The following CNOT4 variants were observed in gnomAD, a reference collection of about 807,000 sequenced individuals.
The protein encoded by CNOT4 is CCR4-associated factor 4.
In CNOT4, 8 loss-of-function variants were observed where a neutral mutation model predicts 73.8. That is an observed-to-expected ratio of 0.11 (90% CI 0.06 to 0.20). The LOEUF is 0.20. Among genes scored for constraint, CNOT4 ranks in the 10% least tolerant of loss-of-function variants. The pLI, the probability that CNOT4 is intolerant of heterozygous loss-of-function variation, is 1.00. For synonymous variants in CNOT4, 293 were observed against 321.1 expected, an observed-to-expected ratio of 0.91 and a Z score of 0.94; for missense variants, 564 against 883.4, an observed-to-expected ratio of 0.64 and a Z score of 4.58.
At position 135,445,754 on chromosome 7, in the gene CNOT4, T is replaced by C. The variant is rs76467594; in HGVS notation, c.-92-7331A>G. Among the ~76,000 whole-genome samples, 4 of 152,318 alleles carry C rather than the reference T, an allele frequency of 2.6e-5. No homozygotes were observed. The East Asian group carries it at 5.8e-4, about 22-fold the overall frequency. On this transcript the variant is annotated intron_variant, in intron 1 of 11. Coordinates refer to ENST00000541284, the MANE Select transcript of CNOT4 (RefSeq NM_001190850.2). ...GTTGTATAATAATAAAAAAAGACTA[T>C]ATTCAGTCACAAAAGGAATCAAATT...
intron 10 of CNOT4, among the ~76,000 whole-genome samples, chr7:135,372,458 G>A (rs1002506230): frequency 2.0e-5 from 3 of 151,982 alleles, no homozygotes; most frequent in East Asian, 1.9e-4. Context: ...AAAGGACCTC[G>A]ATTTAATCAT....
At chr7:135,367,467 C>A (rs1464825653) in intron 10 of CNOT4, among the ~76,000 whole-genome samples, 1 of 152,088 alleles carries the variant, frequency 6.6e-6, no homozygotes, top group Non-Finnish European at 1.5e-5. Context: ...TCCCAGGACA[C>A]CTAATTCATA....
intron 10 of CNOT4, chr7:135,386,158 T>C (rs1796109409): frequency 6.6e-6 from 1 of 150,880 alleles, no homozygotes; most frequent in Non-Finnish European, 1.5e-5. Flanking sequence ...CTGTTCTTTT[T>C]TTTTTTTTTT....
chr7:135,415,297 C>T, intron 3 of CNOT4, 35 bp from the exon 4 acceptor site: 1 of 1,123,176 alleles, frequency 8.9e-7, no homozygotes, highest in South Asian at 1.3e-5. Context: ...ATAAACTGTC[C>T]CCATTTTAAA....
At chr7:135,370,532 C>T (rs1795142133) in intron 10 of CNOT4, among the ~76,000 whole-genome samples, 1 of 152,188 alleles carries the variant, frequency 6.6e-6, no homozygotes, top group Non-Finnish European at 1.5e-5. Flanking sequence ...GCCGTGCCAT[C>T]GACTGCAGTT....
intron 6 of CNOT4, among the ~76,000 whole-genome samples, chr7:135,412,358 A>T (rs1031403532): frequency 2.6e-5 from 4 of 151,942 alleles, no homozygotes; most frequent in African/African-American, 9.7e-5. Context: ...AAATTCTGAT[A>T]GACAGAAATT....
intron 1 of CNOT4, among the ~76,000 whole-genome samples, chr7:135,486,422 CA>C (rs1802723783): frequency 6.6e-6 from 1 of 152,170 alleles, no homozygotes; most frequent in African/African-American, 2.4e-5. Flanking sequence ...GGCTAGAACA[CA>C]AAGAAACTGG....
chr7:135,374,469 C>T (rs1434920336), intron 10 of CNOT4, among the ~76,000 whole-genome samples: 2 of 152,152 alleles, frequency 1.3e-5, no homozygotes, highest in Non-Finnish European at 2.9e-5. Context: ...CTACACAGAA[C>T]TTGAGATACT....
intron 1 of CNOT4, among the ~76,000 whole-genome samples, chr7:135,441,649 A>T (rs972987820): frequency 6.6e-6 from 1 of 152,214 alleles, no homozygotes; most frequent in East Asian, 1.9e-4. Context: ...ACTACAGGTT[A>T]TTAGAGTTTT....
chr7:135,362,422 G>C lies in CNOT4; in HGVS notation c.*463C>G, dbSNP rs1252688765. 1 of 207,056 alleles carries C rather than the reference G, an allele frequency of 4.8e-6. No homozygotes were observed. 12.8% of individuals were successfully genotyped at this position (207,056 alleles called of 1,614,324 possible). ...ATAATGATAAGCTGAATACAAGATG[G>C]ATGCTAGGACCACTGCTTTCCCCCA... On this transcript the variant is annotated 3_prime_UTR_variant, in exon 12 of 12. Coordinates refer to ENST00000541284, the MANE Select transcript of CNOT4 (RefSeq NM_001190850.2).
At chr7:135,461,638 C>A (rs1254995452) in intron 1 of CNOT4, among the ~76,000 whole-genome samples, 1 of 152,070 alleles carries the variant, frequency 6.6e-6, no homozygotes, top group Non-Finnish European at 1.5e-5. Flanking sequence ...TCAAGACCAG[C>A]CTGGCCAACA....
chr7:135,421,889 TCA>T (rs1174918068), intron 3 of CNOT4, among the ~76,000 whole-genome samples: 1 of 152,210 alleles, frequency 6.6e-6, no homozygotes, highest in Non-Finnish European at 1.5e-5. Flanking sequence ...TATCCAATTT[TCA>T]CAGATTGTCA....
intron 10 of CNOT4, chr7:135,388,877 C>A (rs1471670307): frequency 6.8e-6 from 11 of 1,612,626 alleles, no homozygotes; most frequent in African/African-American, 1.3e-5. Flanking sequence ...ATGGTCGAAA[C>A]CTTCACCTCT....
intron 1 of CNOT4, among the ~76,000 whole-genome samples, chr7:135,481,448 A>G (rs1289652638): frequency 6.6e-6 from 1 of 152,224 alleles, no homozygotes; most frequent in Non-Finnish European, 1.5e-5. Flanking sequence ...ACAATAACAG[A>G]TGCTGGCAAG....
chr7:135,464,824 GTTAT>G (rs1203368568), intron 1 of CNOT4, among the ~76,000 whole-genome samples: 1 of 151,794 alleles, frequency 6.6e-6, no homozygotes, highest in Non-Finnish European at 1.5e-5. Flanking sequence ...CAAGAAAACT[GTTAT>G]TTAATAAAGC....
At chr7:135,443,868 G>C (rs1420176302) in intron 1 of CNOT4, among the ~76,000 whole-genome samples, 3 of 152,180 alleles carry the variant, frequency 2.0e-5, no homozygotes. Context: ...TACATGAGAG[G>C]CTGGACACAA....
intron 2 of CNOT4, 54 bp from the exon 3 acceptor site, chr7:135,422,407 CG>C: frequency 3.7e-6 from 3 of 811,008 alleles, no homozygotes; most frequent in Non-Finnish European, 6.4e-6. Flanking sequence ...AAAAAAACTG[CG>C]TAAGTAATTA....
intron 10 of CNOT4, among the ~76,000 whole-genome samples, chr7:135,377,772 T>C (rs1173451959): frequency 6.6e-6 from 1 of 152,168 alleles, no homozygotes; most frequent in African/African-American, 2.4e-5. Flanking sequence ...TTAGCAATAA[T>C]TTATAGTTGA....
chr7:135,388,669 G>A, intron 10 of CNOT4: 4 of 1,356,746 alleles, frequency 2.9e-6, no homozygotes, highest in Non-Finnish European at 3.9e-6. Context: ...CTGTAGGCAT[G>A]AGGAACGTTT....
Sources: allele counts gnomAD v4.1 joint callset (sites outside exome capture counted in the v4.1 genomes callset), GRCh38; gene constraint gnomAD v4.1.1; transcripts MANE v1.5; gene names NCBI Gene and HGNC (gene_info 2026-07-23, HGNC 2026-07-21).